KATNIP: variants seen among roughly 807,000 people sequenced by gnomAD.
KATNIP encodes katanin interacting protein, also known as katanin-interacting protein.
A neutral mutation model predicts 174.0 loss-of-function variants in KATNIP; 126 were observed. The observed-to-expected ratio is 0.72, with a 90% CI of 0.63 to 0.84. The LOEUF (loss-of-function observed/expected upper bound fraction) is 0.84, where lower values mean the gene tolerates loss of function less well. Among genes scored for constraint, KATNIP ranks in the 40% least tolerant of loss-of-function variants. The pLI, the probability that KATNIP is intolerant of heterozygous loss-of-function variation, is 0.00. For missense variants in KATNIP, 1,958 were observed against 2,109.7 expected, an observed-to-expected ratio of 0.93 and a Z score of 1.41; for synonymous variants, 810 against 835.7, an observed-to-expected ratio of 0.97 and a Z score of 0.53.
chr16:27,660,729 C>T (rs1173694241), intron 6 of KATNIP, among the ~76,000 whole-genome samples: 1 of 151,562 alleles, frequency 6.6e-6, no homozygotes, highest in Admixed American at 6.6e-5. Flanking sequence ...TGCACTACAG[C>T]CTCAAACACC....
At chr16:27,764,970 G>A (rs943133855) in intron 19 of KATNIP, among the ~76,000 whole-genome samples, 1 of 151,998 alleles carries the variant, frequency 6.6e-6, no homozygotes. Context: ...TAAACACTTC[G>A]ATTATGAGAT....
chr16:27,716,267 A>C (rs2079932997), intron 13 of KATNIP, among the ~76,000 whole-genome samples: 1 of 152,232 alleles, frequency 6.6e-6, no homozygotes, highest in Non-Finnish European at 1.5e-5. Context: ...ATCTGAAGGC[A>C]GAAAGTAGAT....
intron 2 of KATNIP, among the ~76,000 whole-genome samples, chr16:27,595,257 C>CA (rs1457268787): frequency 6.6e-6 from 1 of 152,140 alleles, no homozygotes; most frequent in Non-Finnish European, 1.5e-5. Flanking sequence ...TGTAGTGGCA[C>CA]ACACCTGTAA....
At position 27,633,930 on chromosome 16, in the gene KATNIP, A is replaced by C. The variant is rs2076564098; in HGVS notation, c.408+2768A>C. On this transcript the variant is annotated intron_variant, in intron 5 of 27. Transcript: ENST00000261588. ...AACTGGGGAAGGGTGTCCCTGCCTG[A>C]TCTCAGTGCTGAGGAGCAAGGCCTG... 2.6e-5 allele frequency among the ~76,000 whole-genome samples: 4 copies of C among 152,196 alleles called. No individual in the cohort carries two copies. The South Asian group carries it at 8.3e-4, about 31-fold the overall frequency.
intron 10 of KATNIP, among the ~76,000 whole-genome samples, chr16:27,700,717 G>C (rs2079065961): frequency 6.6e-6 from 1 of 152,210 alleles, no homozygotes; most frequent in African/African-American, 2.4e-5. Context: ...TGATCAAGGA[G>C]CAGGAAGAAG....
At position 27,628,786 on chromosome 16, in the gene KATNIP, A is replaced by T; in HGVS notation, c.266A>T (p.His89Leu). The T allele has an allele frequency of 1.9e-6, 3 of 1,613,992 alleles. No individual in the cohort carries two copies. The highest frequency in any genetic ancestry group is 2.5e-6 in the Non-Finnish European group (3 of 1,180,008). The change falls in exon 4 of 28, where the codon CAC (histidine) becomes CTC (leucine). Residue 89 changes from histidine to leucine, a missense_variant. Around this residue, in one of 3 missense-constraint regions of KATNIP, gnomAD observed 1,557 missense variants for 1,617.8 expected, o/e 0.96. Transcript: ENST00000261588. ...AAATCATCACCGCGGAAAGCTATTC[A>T]CTCTGACTTCTCCAGAAGTGCCTCC... ...ELKSSPRKAI[H>L]SDFSRSASHT...
At chr16:27,702,375 G>A (rs184472850) in intron 11 of KATNIP, among the ~76,000 whole-genome samples, 7 of 152,306 alleles carry the variant, frequency 4.6e-5, no homozygotes, top group Admixed American at 4.6e-4. Context: ...TTCCATTAAC[G>A]TGTAGCAGCA....
At chr16:27,579,135 G>C (rs60015440) in intron 2 of KATNIP, among the ~76,000 whole-genome samples, 1 of 152,206 alleles carries the variant, frequency 6.6e-6, no homozygotes, top group Non-Finnish European at 1.5e-5. Context: ...AGATCACAGA[G>C]GAGGAAGAAA....
chr16:27,731,237 A>G (rs1567361758), intron 14 of KATNIP, among the ~76,000 whole-genome samples: 1 of 152,182 alleles, frequency 6.6e-6, no homozygotes, highest in Non-Finnish European at 1.5e-5. Context: ...CTCAGTATGC[A>G]TGGGGCTCCT....
At chr16:27,556,095 C>G (rs1358615906) in intron 1 of KATNIP, among the ~76,000 whole-genome samples, 1 of 151,218 alleles carries the variant, frequency 6.6e-6, no homozygotes, top group African/African-American at 2.4e-5. Flanking sequence ...CCACCGCACT[C>G]TAGCCTGGGC....
chr16:27,687,501 T>C (rs770613060), intron 8 of KATNIP: 2 of 152,112 alleles, frequency 1.3e-5, no homozygotes, highest in Non-Finnish European at 2.9e-5. Context: ...GTCAATTAAA[T>C]GTGTGTGTGA....
chr16:27,556,521 C>T (rs1349735789), intron 1 of KATNIP, among the ~76,000 whole-genome samples: 10 of 152,206 alleles, frequency 6.6e-5, no homozygotes, highest in Non-Finnish European at 1.3e-4. Context: ...TTTCACTGCT[C>T]CCCTAGAGCA....
At chr16:27,688,030 G>A (rs766772649) in intron 8 of KATNIP, among the ~76,000 whole-genome samples, 5 of 152,200 alleles carry the variant, frequency 3.3e-5, no homozygotes, top group Non-Finnish European at 7.3e-5. Flanking sequence ...TGGGATCCTG[G>A]TGCTCAGATG....
intron 14 of KATNIP, among the ~76,000 whole-genome samples, chr16:27,725,996 G>A (rs934958327): frequency 2.0e-5 from 3 of 152,164 alleles, no homozygotes; most frequent in Non-Finnish European, 4.4e-5. Flanking sequence ...CCAGCCCCCA[G>A]GCCACAGACC....
intron 5 of KATNIP, among the ~76,000 whole-genome samples, chr16:27,642,944 G>A (rs747369288): frequency 6.6e-6 from 1 of 152,010 alleles, no homozygotes; most frequent in Non-Finnish European, 1.5e-5. Context: ...ACGCCTGCTG[G>A]GGGCAGTACA....
intron 2 of KATNIP, among the ~76,000 whole-genome samples, chr16:27,577,769 A>G (rs2090551789): frequency 6.6e-6 from 1 of 152,130 alleles, no homozygotes; most frequent in African/African-American, 2.4e-5. Flanking sequence ...GCTACCCTGG[A>G]GGCTGAGGCG....
intron 17 of KATNIP, among the ~76,000 whole-genome samples, chr16:27,753,031 G>A (rs1278069552): frequency 6.6e-5 from 10 of 152,168 alleles, no homozygotes; most frequent in Admixed American, 6.5e-4. Context: ...AACATGTCGT[G>A]TGGACCCCAT....
chr16:27,567,892 A>G (rs955361400), intron 1 of KATNIP, among the ~76,000 whole-genome samples: 1 of 152,208 alleles, frequency 6.6e-6, no homozygotes, highest in Non-Finnish European at 1.5e-5. Flanking sequence ...TGTGCCCAGC[A>G]GTTCCAGGCT....
intron 8 of KATNIP, chr16:27,685,515 C>T (rs2078489700): frequency 6.6e-6 from 1 of 152,174 alleles, no homozygotes; most frequent in Admixed American, 6.5e-5. Context: ...CACTGAGCTT[C>T]CTGGCCACCA....
Sources: allele counts gnomAD v4.1 joint callset (sites outside exome capture counted in the v4.1 genomes callset), GRCh38; gene constraint gnomAD v4.1.1; regional missense constraint gnomAD v4.1.1; transcripts MANE v1.5; gene names NCBI Gene and HGNC (gene_info 2026-07-23, HGNC 2026-07-21).